The following SLC27A6 variants were observed in gnomAD, a reference collection of about 807,000 sequenced individuals.
The protein encoded by SLC27A6 is long-chain fatty acid transport protein 6.
Under a neutral mutation model 63.9 loss-of-function variants are expected in SLC27A6, and 74 were observed. The observed-to-expected ratio is 1.16, with a 90% CI of 0.96 to 1.40. The LOEUF (loss-of-function observed/expected upper bound fraction) is 1.40, where lower values mean the gene tolerates loss of function less well. Ranked by LOEUF, SLC27A6 falls within the 40% of genes most tolerant of loss-of-function variation. The pLI is 0.00. For synonymous variants in SLC27A6, 287 were observed against 260.8 expected (o/e 1.10, Z -0.97); for missense variants, 794 against 732.9 (o/e 1.08, Z -0.96).
rs1240577208 is a variant in SLC27A6 at position 128,998,299 on chromosome 5, T to TA, written c.969+7842dup. 2.6e-5 allele frequency among the ~76,000 whole-genome samples: 4 copies of TA among 151,686 alleles called. No individual in the cohort carries two copies. The South Asian group carries it at 8.3e-4, about 32-fold the overall frequency. On this transcript the variant is annotated intron_variant, in intron 4 of 9. Coordinates refer to ENST00000262462, the MANE Select transcript of SLC27A6 (RefSeq NM_001017372.3). Reference sequence around the variant, plus strand: ...GACAGAGCAAGACCTTGTTTCAAAATAAAAAAAGTAATATTTTACATGAAT... The same window carrying TA: ...GACAGAGCAAGACCTTGTTTCAAAATAAAAAAAAGTAATATTTTACATGAAT...
At chr5:129,029,517 A>C in intron 8 of SLC27A6, 60 bp from the exon 9 acceptor site, 7 of 1,184,720 alleles carry the variant, frequency 5.9e-6, no homozygotes, top group Non-Finnish European at 6.0e-6. Context: ...GCATGTACAG[A>C]ATTATCTTTT....
intron 4 of SLC27A6, among the ~76,000 whole-genome samples, chr5:129,003,387 TC>T (rs1751409373): frequency 6.6e-6 from 1 of 152,244 alleles, no homozygotes; most frequent in Non-Finnish European, 1.5e-5. Context: ...TAGCAACAGT[TC>T]CTGCTCAGGT....
At chr5:129,031,102 T>C (rs1004873275) in intron 9 of SLC27A6, among the ~76,000 whole-genome samples, 1 of 151,950 alleles carries the variant, frequency 6.6e-6, no homozygotes, top group Non-Finnish European at 1.5e-5. Context: ...ATGTTTTAGC[T>C]CAAGACTACT....
chr5:128,973,857 C>T (rs890011235), intron 1 of SLC27A6, among the ~76,000 whole-genome samples: 1 of 152,220 alleles, frequency 6.6e-6, no homozygotes, highest in Non-Finnish European at 1.5e-5. Context: ...CTGCGTCGCT[C>T]ACGCTAGGAG....
At chr5:128,979,243 G>A (rs1750499069) in intron 1 of SLC27A6, among the ~76,000 whole-genome samples, 1 of 151,648 alleles carries the variant, frequency 6.6e-6, no homozygotes, top group Non-Finnish European at 1.5e-5. Context: ...CACAACCTTA[G>A]TGAGTTGGCT....
Position 128,973,834 on chromosome 5 carries a change from A to T in SLC27A6, c.481+7216A>T, listed in dbSNP as rs536696363. Among the ~76,000 whole-genome samples the T allele has an allele frequency of 2.0e-5, 3 of 152,316 alleles. No homozygotes were observed. The East Asian group carries it at 5.8e-4, about 29-fold the overall frequency. ...CCGGTACCTCAGTTGGAAATGCAGA[A>T]ATCACCTGTCTTCTGCGTCGCTCAC... On this transcript the variant is annotated intron_variant, in intron 1 of 9. Coordinates refer to ENST00000262462, the MANE Select transcript of SLC27A6 (RefSeq NM_001017372.3).
At chr5:129,006,315 C>T (rs1751534042) in intron 4 of SLC27A6, among the ~76,000 whole-genome samples, 1 of 151,924 alleles carries the variant, frequency 6.6e-6, no homozygotes, top group African/African-American at 2.4e-5. Flanking sequence ...TGGTCTCGAT[C>T]TCCTGACCTC....
chr5:129,029,506 A>G (rs1752349152), intron 8 of SLC27A6, 71 bp from the exon 9 acceptor site: 3 of 1,023,170 alleles, frequency 2.9e-6, no homozygotes, highest in Non-Finnish European at 4.3e-6. Context: ...TGTGCCAATT[A>G]GCATGTACAG....
At chr5:128,995,368 A>G (rs1751122138) in intron 4 of SLC27A6, among the ~76,000 whole-genome samples, 1 of 152,246 alleles carries the variant, frequency 6.6e-6, no homozygotes, top group Admixed American at 6.5e-5. Context: ...TTAGATATAC[A>G]GGACACACAG....
At chr5:128,974,738 C>T (rs976128161) in intron 1 of SLC27A6, among the ~76,000 whole-genome samples, 1 of 152,136 alleles carries the variant, frequency 6.6e-6, no homozygotes. Context: ...TCTGCCACTT[C>T]CTGGCTGTAT....
chr5:128,980,058 C>G (rs888544918), intron 1 of SLC27A6, among the ~76,000 whole-genome samples: 3 of 152,180 alleles, frequency 2.0e-5, no homozygotes, highest in African/African-American at 7.2e-5. Flanking sequence ...AAGCACTTCT[C>G]CCATGTAAGG....
chr5:129,033,443 C>A lies in SLC27A6; in HGVS notation c.*161C>A, dbSNP rs775228422. On this transcript the variant is annotated 3_prime_UTR_variant, in exon 10 of 10. Coordinates refer to ENST00000262462, the MANE Select transcript of SLC27A6 (RefSeq NM_001017372.3). The stretch of plus-strand genomic sequence containing the variant: ...TTTAATTGCATAAGAATTTTAATTT[C>A]TTTTAATTGATATAAACAGTAGTTG... 3 of 412,420 alleles carry A rather than the reference C, an allele frequency of 7.3e-6. No individual in the cohort carries two copies. Among genetic ancestry groups the A allele is most frequent in the Non-Finnish European group, 1.3e-5 (3 of 231,820 alleles). 25.5% of individuals were successfully genotyped at this position (412,420 alleles called of 1,614,324 possible).
In SLC27A6 at chr5:128,965,577, C is replaced by G. The variant is rs114175440; in HGVS notation, c.-561C>G. 6.6e-6 allele frequency: 1 copy of G among 152,562 alleles called. No individual in the cohort carries two copies. The highest frequency in any genetic ancestry group is 2.4e-5 in the African/African-American group (1 of 41,580). The allele number at this position is 152,562 out of a possible 1,614,324, so 9.5% of individuals were successfully genotyped here. ...GTAGAGACTGTAAATCGCTGCGCTT[C>G]TCAGTCATCATCATCCCAGCTTTTC... On this transcript the variant is annotated 5_prime_UTR_variant, in exon 1 of 10. Coordinates refer to ENST00000262462, the MANE Select transcript of SLC27A6 (RefSeq NM_001017372.3).
At chr5:129,029,836 T>TG in intron 9 of SLC27A6, 129 bp downstream of exon 9, 3 of 726,342 alleles carry the variant, frequency 4.1e-6, no homozygotes, top group Non-Finnish European at 4.5e-6. Flanking sequence ...GTAGAGTTGA[T>TG]GCAGATCGAT....
Position 129,027,119 on chromosome 5 carries a change from G to T in SLC27A6, c.1256-14G>T, listed in dbSNP as rs371613205. ...TTAATCAGATGGCTGCAAAAATGTC[G>T]TTCTTTCTTGCAGGAGAACCTGGAC... is the stretch of plus-strand genomic sequence containing the variant. On this transcript the variant is annotated splice_polypyrimidine_tract_variant and intron_variant, in intron 6 of 9. Coordinates refer to ENST00000262462, the MANE Select transcript of SLC27A6 (RefSeq NM_001017372.3). 4 of 1,608,814 alleles carry T rather than the reference G, an allele frequency of 2.5e-6. No individual in the cohort carries two copies. The highest frequency in any genetic ancestry group is 3.4e-6 in the Non-Finnish European group (4 of 1,176,322).
chr5:128,982,037 C>G (rs9327503), intron 1 of SLC27A6, among the ~76,000 whole-genome samples: 1 of 151,916 alleles, frequency 6.6e-6, no homozygotes, highest in African/African-American at 2.4e-5. Context: ...TCTTCTTTAA[C>G]TCCTGACCTC....
intron 6 of SLC27A6, among the ~76,000 whole-genome samples, chr5:129,026,774 C>A (rs1423340089): frequency 6.6e-6 from 1 of 152,126 alleles, no homozygotes; most frequent in African/African-American, 2.4e-5. Context: ...ACTATCACTA[C>A]ATTTGTTATT....
chr5:129,007,464 A>AT (rs1561625550), intron 4 of SLC27A6, among the ~76,000 whole-genome samples: 6 of 84,154 alleles, frequency 7.1e-5, no homozygotes, highest in Admixed American at 2.4e-4. Flanking sequence ...AAAAAAAAAA[A>AT]ATATAATGTT....
intron 5 of SLC27A6, among the ~76,000 whole-genome samples, chr5:129,016,971 TATACTC>T (rs1751918369): frequency 6.6e-6 from 1 of 152,150 alleles, no homozygotes; most frequent in Non-Finnish European, 1.5e-5. Flanking sequence ...AACTGGAACT[TATACTC>T]AACAATAATT....
Sources: gnomAD v4.1 joint callset for allele counts (sites outside exome capture counted in the v4.1 genomes callset) on GRCh38, gnomAD v4.1.1 for gene constraint, MANE v1.5 for transcripts, NCBI Gene and HGNC (gene_info 2026-07-23, HGNC 2026-07-21) for gene names.